SMARCAD1: variants seen among roughly 807,000 people sequenced by gnomAD.
SMARCAD1 encodes the protein SNF2 related chromatin remodeling ATPase with DExD box 1.
In SMARCAD1, 25 loss-of-function variants were observed where a neutral mutation model predicts 127.1. The observed-to-expected ratio is 0.20, with a 90% CI of 0.14 to 0.27. SMARCAD1 has a LOEUF of 0.27. Ranked by LOEUF, SMARCAD1 falls within the 10% of genes least tolerant of loss-of-function variation. The probability of loss-of-function intolerance (pLI) is 1.00; values close to 1 mark genes in which losing one functional copy is unlikely to be tolerated. For synonymous variants in SMARCAD1, 400 were observed against 396.9 expected (o/e 1.01, Z -0.09); for missense variants, 807 against 1,206.0 (o/e 0.67, Z 4.90).
chr4:94,212,528 C>A (rs967239039), intron 2 of SMARCAD1, among the ~76,000 whole-genome samples: 7 of 151,482 alleles, frequency 4.6e-5, no homozygotes, highest in African/African-American at 1.7e-4. Flanking sequence ...GCTCTGTTAC[C>A]TAGGCTGGAG....
At chr4:94,269,897 T>C (rs1281126498) in intron 10 of SMARCAD1, among the ~76,000 whole-genome samples, 3 of 151,954 alleles carry the variant, frequency 2.0e-5, no homozygotes, top group Non-Finnish European at 4.4e-5. Flanking sequence ...GGTCGCGAAC[T>C]CCTGAGCTCA....
chr4:94,267,023 A>G (rs996391808), intron 10 of SMARCAD1, among the ~76,000 whole-genome samples: 1 of 152,116 alleles, frequency 6.6e-6, no homozygotes, highest in African/African-American at 2.4e-5. Flanking sequence ...TTTTATTCTT[A>G]CTATAGATGT....
intron 2 of SMARCAD1, among the ~76,000 whole-genome samples, chr4:94,224,649 G>A (rs115315663): frequency 0.013 from 1,936 of 152,210 alleles, 45 homozygotes; most frequent in African/African-American, 0.044. Context: ...GATACAGCTC[G>A]TGAGCCCTAA....
chr4:94,256,050 C>T (rs1222659325), intron 9 of SMARCAD1, among the ~76,000 whole-genome samples: 2 of 152,090 alleles, frequency 1.3e-5, no homozygotes, highest in African/African-American at 4.8e-5. Context: ...GTTCACCATC[C>T]ACTTACTGGA....
In SMARCAD1 at chr4:94,250,845, G is replaced by C; in HGVS notation, c.889+12G>C. The C allele has an allele frequency of 6.3e-7, 1 of 1,596,340 alleles. No individual in the cohort carries two copies. Among genetic ancestry groups the C allele is most frequent in the Non-Finnish European group, 8.6e-7 (1 of 1,164,572 alleles). On this transcript the variant is annotated intron_variant, in intron 8 of 23. Coordinates refer to ENST00000354268, the MANE Select transcript of SMARCAD1 (RefSeq NM_020159.5). Reference sequence around the variant, plus strand: ...TGCAGAAGACCAAGGTAATTATTCTGGGTCATAGAAAATACATACTTCTCA... The same window carrying C: ...TGCAGAAGACCAAGGTAATTATTCTCGGTCATAGAAAATACATACTTCTCA...
chr4:94,234,800 C>T (rs1746379714), intron 4 of SMARCAD1, among the ~76,000 whole-genome samples: 1 of 152,170 alleles, frequency 6.6e-6, no homozygotes, highest in African/African-American at 2.4e-5. Flanking sequence ...TTGTATCTGT[C>T]TTCGCTGCTA....
In SMARCAD1 at chr4:94,233,976, G is replaced by A; in HGVS notation, c.391G>A (p.Glu131Lys). ...IIVSEPSEDE[E>K]SQGLPTMARR... ...TAGTTCTGAGCCATCTGAAGATGAA[G>A]AGTCCCAAGGCCTTCCTACCATGGC... Residue 131 changes from glutamate (E) to lysine (K), a missense_variant, in exon 4 of 24, where the codon GAG (glutamate) becomes AAG (lysine). By Grantham distance (56) the Glu-to-Lys change is moderately conservative. Around this residue, in one of 8 missense-constraint regions of SMARCAD1, gnomAD observed 175 missense variants for 169.5 expected, o/e 1.03. Transcript: ENST00000354268. 1 of 1,613,726 alleles carries A rather than the reference G, an allele frequency of 6.2e-7. No individual in the cohort carries two copies. The highest frequency in any genetic ancestry group is 8.5e-7 in the Non-Finnish European group (1 of 1,179,782).
intron 9 of SMARCAD1, among the ~76,000 whole-genome samples, chr4:94,257,402 C>G (rs1292397489): frequency 6.6e-6 from 1 of 152,098 alleles, no homozygotes; most frequent in Non-Finnish European, 1.5e-5. Context: ...CTGTGGTTTT[C>G]AGTAACTTCA....
chr4:94,272,332 A>G (rs1486246952), intron 11 of SMARCAD1, among the ~76,000 whole-genome samples: 2 of 152,254 alleles, frequency 1.3e-5, no homozygotes, highest in Admixed American at 6.5e-5. Flanking sequence ...AGTTGATAGC[A>G]TTCAGTTCCC....
intron 2 of SMARCAD1, among the ~76,000 whole-genome samples, chr4:94,223,914 A>G (rs1192557473): frequency 2.0e-5 from 3 of 151,828 alleles, no homozygotes; most frequent in Admixed American, 2.0e-4. Context: ...AGAAAGTAGG[A>G]CTTTATTGTT....
intron 2 of SMARCAD1, among the ~76,000 whole-genome samples, chr4:94,222,409 ATGT>A (rs1426211733): frequency 2.6e-5 from 4 of 152,104 alleles, no homozygotes; most frequent in Admixed American, 1.3e-4. Flanking sequence ...AATTGGAGAA[ATGT>A]TGTATCATAG....
At chr4:94,219,895 A>G (rs1743828128) in intron 2 of SMARCAD1, among the ~76,000 whole-genome samples, 1 of 152,202 alleles carries the variant, frequency 6.6e-6, no homozygotes, top group South Asian at 2.1e-4. Context: ...CCCACCTGGT[A>G]CAATGCCTTA....
At chr4:94,247,254 A>C (rs1033903742) in intron 6 of SMARCAD1, among the ~76,000 whole-genome samples, 2 of 152,204 alleles carry the variant, frequency 1.3e-5, no homozygotes, top group Admixed American at 6.5e-5. Flanking sequence ...TCCAACTATG[A>C]TTCTGGAGAT....
chr4:94,234,191 T>A lies in SMARCAD1; in HGVS notation c.537+69T>A. The A allele has an allele frequency of 3.0e-6, 4 of 1,342,604 alleles. No homozygotes were observed. The South Asian group carries it at 5.2e-5, about 17-fold the overall frequency. The allele number at this position is 1,342,604 out of a possible 1,614,324, so 83.2% of individuals were successfully genotyped here. A position where few individuals can be genotyped will look rare whatever the true frequency, so the allele number is the denominator to read the frequency against. ...CTCCTGCATTCAGTGCTATAGTTAG[T>A]AGTGGATAGTCATTTTTCTAAAGAT... On this transcript the variant is annotated intron_variant, in intron 4 of 23. Coordinates refer to ENST00000354268, the MANE Select transcript of SMARCAD1 (RefSeq NM_020159.5).
At chr4:94,247,646 G>A (rs982653999) in intron 6 of SMARCAD1, among the ~76,000 whole-genome samples, 12 of 151,994 alleles carry the variant, frequency 7.9e-5, no homozygotes, top group Non-Finnish European at 2.9e-5. Context: ...TCATCACCTC[G>A]TAATAGCATG....
rs537169479 is a variant in SMARCAD1 at position 94,288,128 on chromosome 4, A to G, written c.3020-1345A>G. On this transcript the variant is annotated intron_variant, in intron 23 of 23. Transcript: ENST00000354268. ...ATCCATAATAAAGTCAATTGTAAAC[A>G]TGGCAATTTATTTTCAATATCACAG... Among the ~76,000 whole-genome samples, 7 of 152,290 alleles carry G rather than the reference A, an allele frequency of 4.6e-5. No individual in the cohort carries two copies. In the East Asian group the frequency reaches 1.4e-3, roughly 29 times the overall value.
intron 2 of SMARCAD1, among the ~76,000 whole-genome samples, chr4:94,217,601 G>A (rs573547738): frequency 6.6e-6 from 1 of 152,016 alleles, no homozygotes; most frequent in Non-Finnish European, 1.5e-5. Flanking sequence ...CAGAGAATGT[G>A]GTCTGTAGTA....
intron 6 of SMARCAD1, among the ~76,000 whole-genome samples, chr4:94,242,741 C>CAAAA (rs35038953): frequency 2.2e-4 from 28 of 127,614 alleles, no homozygotes; most frequent in African/African-American, 7.4e-4. Flanking sequence ...CCTGTCTCTG[C>CAAAA]AAAAAAAAAA....
At chr4:94,231,962 G>C (rs1239919164) in intron 3 of SMARCAD1, among the ~76,000 whole-genome samples, 1 of 152,008 alleles carries the variant, frequency 6.6e-6, no homozygotes, top group Non-Finnish European at 1.5e-5. Context: ...CCTGGGGTCA[G>C]ATGATTCTCA....
Sources: allele counts gnomAD v4.1 joint callset (sites outside exome capture counted in the v4.1 genomes callset), GRCh38; gene constraint gnomAD v4.1.1; regional missense constraint gnomAD v4.1.1; transcripts MANE v1.5; gene names NCBI Gene and HGNC (gene_info 2026-07-23, HGNC 2026-07-21).